The following CRB1 variants were observed in gnomAD, a reference collection of about 807,000 sequenced individuals.
The protein encoded by CRB1 is crumbs cell polarity complex component 1.
CRB1 carries 83 observed loss-of-function variants against 120.0 expected under a neutral mutation model. The observed-to-expected ratio is 0.69, with a 90% CI of 0.58 to 0.83. The LOEUF is 0.83. Among genes scored for constraint, CRB1 ranks in the 40% least tolerant of loss-of-function variants. CRB1 has a pLI of 0.00. For synonymous variants in CRB1, 625 were observed against 612.5 expected, an observed-to-expected ratio of 1.02 and a Z score of -0.30; for missense variants, 1,699 against 1,687.6, an observed-to-expected ratio of 1.01 and a Z score of -0.12.
At position 197,438,748 on chromosome 1, in the gene CRB1, C is replaced by T; in HGVS notation, c.3878+73C>T. 11 of 1,573,698 alleles carry T rather than the reference C, an allele frequency of 7.0e-6. No homozygotes were observed. The South Asian group carries it at 8.9e-5, about 13-fold the overall frequency. On this transcript the variant is annotated intron_variant, in intron 10 of 11. Coordinates refer to ENST00000367400, the MANE Select transcript of CRB1 (RefSeq NM_201253.3). ...GATGGGATTACTCAAAGTTCATTTTCTCCTCTAATTTTTTATCTCAGTTCC... is the reference window on the plus strand; with the variant it reads ...GATGGGATTACTCAAAGTTCATTTTTTCCTCTAATTTTTTATCTCAGTTCC...
chr1:197,292,947 C>G, intron 1 of CRB1, among the ~76,000 whole-genome samples: 1 of 152,068 alleles, frequency 6.6e-6, no homozygotes, highest in East Asian at 1.9e-4. Flanking sequence ...AAACCCACAG[C>G]CAATATCATA....
At chr1:197,457,371 A>G (rs1666329991) in intron 11 of CRB1, among the ~76,000 whole-genome samples, 1 of 152,122 alleles carries the variant, frequency 6.6e-6, no homozygotes, top group South Asian at 2.1e-4. Context: ...AGAACTCAAA[A>G]TCAGAGAGAG....
chr1:197,405,934 C>T (rs1274081448), intron 5 of CRB1, among the ~76,000 whole-genome samples: 3 of 151,556 alleles, frequency 2.0e-5, no homozygotes, highest in Admixed American at 6.6e-5. Flanking sequence ...GGCCAGCCGT[C>T]CCGTCCGGGA....
At chr1:197,238,181 T>C in the CRB1 span, among the ~76,000 whole-genome samples, 1 of 152,304 alleles carries the variant, frequency 6.6e-6, no homozygotes, top group East Asian at 1.9e-4. Context: ...TATTGATTTA[T>C]AGTTTGATTT....
At chr1:197,425,873 G>A (rs887351617) in intron 6 of CRB1, among the ~76,000 whole-genome samples, 1 of 151,694 alleles carries the variant, frequency 6.6e-6, no homozygotes, top group African/African-American at 2.4e-5. Context: ...ATCTAATATG[G>A]TTTGGATGTA....
intron 6 of CRB1, among the ~76,000 whole-genome samples, chr1:197,424,504 A>G (rs1664484607): frequency 6.6e-6 from 1 of 152,106 alleles, no homozygotes; most frequent in Non-Finnish European, 1.5e-5. Context: ...AGCTGCTTGC[A>G]GGTTTTGGAA....
intron 5 of CRB1, among the ~76,000 whole-genome samples, chr1:197,371,450 A>G (rs1219275325): frequency 1.3e-5 from 2 of 152,044 alleles, no homozygotes; most frequent in Non-Finnish European, 2.9e-5. Flanking sequence ...TATTTCTTCA[A>G]ACTTCCAATA....
intron 5 of CRB1, among the ~76,000 whole-genome samples, chr1:197,400,515 GAC>G (rs1663012650): frequency 6.7e-6 from 1 of 150,318 alleles, no homozygotes; most frequent in African/African-American, 2.4e-5. Flanking sequence ...AATACACAAA[GAC>G]ACATTTTAAA....
chr1:197,369,355 C>T lies in CRB1; in HGVS notation c.1171+12342C>T, dbSNP rs182925881. Among the ~76,000 whole-genome samples, 276 of 152,172 alleles carry T rather than the reference C, an allele frequency of 1.8e-3. 3 individuals carry two copies. In the East Asian group the frequency reaches 0.02, roughly 11 times the overall value. On this transcript the variant is annotated intron_variant, in intron 5 of 11. Transcript: ENST00000367400. Reference sequence around the variant, plus strand: ...CAGAAACACCCCTCTCCTCCTGCATCCCCTCCCCAACCACCATGACACGCA... The same window carrying T: ...CAGAAACACCCCTCTCCTCCTGCATTCCCTCCCCAACCACCATGACACGCA...
chr1:197,394,674 T>G (rs958854646), intron 5 of CRB1, among the ~76,000 whole-genome samples: 1 of 152,020 alleles, frequency 6.6e-6, no homozygotes, highest in Non-Finnish European at 1.5e-5. Flanking sequence ...ATTTATTATG[T>G]TTTTTGCCAT....
At chr1:197,273,382 C>T (rs1178415299) in intron 1 of CRB1, among the ~76,000 whole-genome samples, 1 of 152,090 alleles carries the variant, frequency 6.6e-6, no homozygotes, top group Non-Finnish European at 1.5e-5. Flanking sequence ...ATTGACCTTA[C>T]TCACCTGGGA....
intron 2 of CRB1, among the ~76,000 whole-genome samples, chr1:197,334,620 G>A (rs1292702417): frequency 6.6e-6 from 1 of 152,048 alleles, no homozygotes; most frequent in Non-Finnish European, 1.5e-5. Flanking sequence ...CTGGAACCTT[G>A]GTCTTGAACT....
the CRB1 span, among the ~76,000 whole-genome samples, chr1:197,209,823 A>G: frequency 9.2e-5 from 14 of 152,160 alleles, no homozygotes; most frequent in Non-Finnish European, 1.8e-4. Flanking sequence ...GGTAAGTCCA[A>G]ATCCTTCCCC....
rs1665479571 is a variant in CRB1 at position 197,442,206 on chromosome 1, G to A, written c.3919G>A (p.Val1307Ile). The change falls in exon 11 of 12, where the codon GTC (valine) becomes ATC (isoleucine). Residue 1307 changes from valine (V) to isoleucine (I), a missense_variant. Transcript: ENST00000367400. ...DIDECASDPC[V>I]NGGLCQDLLN... Reference sequence around the variant, plus strand: ...TGATGAGTGTGCCTCTGATCCGTGTGTCAATGGAGGTCTGTGCCAGGACTT... The same window carrying A: ...TGATGAGTGTGCCTCTGATCCGTGTATCAATGGAGGTCTGTGCCAGGACTT... 3 of 1,613,912 alleles carry A rather than the reference G, an allele frequency of 1.9e-6. No homozygotes were observed. Among genetic ancestry groups the A allele is most frequent in the Non-Finnish European group, 2.5e-6 (3 of 1,180,022 alleles).
intron 5 of CRB1, among the ~76,000 whole-genome samples, chr1:197,387,107 T>G (rs1244745803): frequency 6.6e-6 from 1 of 152,094 alleles, no homozygotes; most frequent in East Asian, 1.9e-4. Flanking sequence ...GTTCCCAACA[T>G]AATCTTTTTC....
chr1:197,217,885 G>T, the CRB1 span, among the ~76,000 whole-genome samples: 3 of 152,272 alleles, frequency 2.0e-5, no homozygotes, highest in East Asian at 5.8e-4. Context: ...TAATTTTTAT[G>T]TGAAAAACAT....
At chr1:197,340,293 T>C (rs2786109) in intron 2 of CRB1, among the ~76,000 whole-genome samples, 4,498 of 152,152 alleles carry the variant, frequency 0.03, 224 homozygotes, top group African/African-American at 0.1. Flanking sequence ...GGGAAATACC[T>C]ATATGCAGCC....
At chr1:197,426,308 T>A (rs1329266399) in intron 6 of CRB1, among the ~76,000 whole-genome samples, 1 of 152,088 alleles carries the variant, frequency 6.6e-6, no homozygotes, top group Non-Finnish European at 1.5e-5. Flanking sequence ...AACTTTGGGC[T>A]TTTGCTCAGA....
At chr1:197,268,049 A>C (rs933080171), upstream of CRB1, among the ~76,000 whole-genome samples, 1 of 152,192 alleles carries the variant, frequency 6.6e-6, no homozygotes, top group Non-Finnish European at 1.5e-5. Context: ...TCAGAAATTA[A>C]TCCCTCTATT....
Sources: gnomAD v4.1 joint callset for allele counts (sites outside exome capture counted in the v4.1 genomes callset) on GRCh38, gnomAD v4.1.1 for gene constraint, MANE v1.5 for transcripts, NCBI Gene and HGNC (gene_info 2026-07-23, HGNC 2026-07-21) for gene names.